The following CD226 variants were observed in gnomAD, a reference collection of about 807,000 sequenced individuals.
CD226 encodes CD226 antigen.
In CD226, 24 loss-of-function variants were observed where a neutral mutation model predicts 34.9. That is an observed-to-expected ratio of 0.69 (90% CI 0.50 to 0.97). The LOEUF is 0.97. Among genes scored for constraint, CD226 ranks in the 50% least tolerant of loss-of-function variants. The pLI, the probability that CD226 is intolerant of heterozygous loss-of-function variation, is 0.00. For missense variants in CD226, 397 were observed against 412.7 expected (o/e 0.96, Z 0.33); for synonymous variants, 148 against 147.4 (o/e 1.00, Z -0.03).
rs544971909 is a variant in CD226 at position 69,880,326 on chromosome 18, A to G, written c.728-7080T>C. On this transcript the variant is annotated intron_variant, in intron 3 of 5. Transcript: ENST00000582621. ...GAAGAGAAAGAAAGAAAGAAAAAGA[A>G]AGAGAGAAAGAAAGAAAGAAAGAAA... 7.1e-3 allele frequency among the ~76,000 whole-genome samples: 621 copies of G among 87,558 alleles called. 7 individuals are homozygous for G. The highest frequency in any genetic ancestry group is 0.023 in the African/African-American group (597 of 25,812). The allele number at this position is 87,558 out of a possible 152,430, so 57.4% of individuals were successfully genotyped here.
At chr18:69,942,898 C>CT (rs2055743793) in intron 2 of CD226, among the ~76,000 whole-genome samples, 1 of 152,360 alleles carries the variant, frequency 6.6e-6, no homozygotes, top group African/African-American at 2.4e-5. Context: ...TGTCTTCTCT[C>CT]TTCCCCAGAC....
chr18:69,864,138 T>C lies in CD226; in HGVS notation c.*176A>G. On this transcript the variant is annotated 3_prime_UTR_variant, in exon 6 of 6. Transcript: ENST00000582621. ...ATATAAACCAGTTAGAGTCAGGTTT[T>C]CTGAAACAGTTCTATGAAAAATGAT... 1 of 592,048 alleles carries C rather than the reference T, an allele frequency of 1.7e-6. No individual in the cohort carries two copies. Among genetic ancestry groups the C allele is most frequent in the Non-Finnish European group, 2.9e-6 (1 of 340,890 alleles). The allele number at this position is 592,048 out of a possible 1,614,324, so 36.7% of individuals were successfully genotyped here.
At chr18:69,914,875 A>AT (rs962237662) in intron 2 of CD226, among the ~76,000 whole-genome samples, 48 of 152,216 alleles carry the variant, frequency 3.2e-4, no homozygotes, top group African/African-American at 9.9e-4. Context: ...CCAAAAAAAT[A>AT]TTTTTTTACT....
At chr18:69,959,521 C>CT (rs1358171121), upstream of CD226, among the ~76,000 whole-genome samples, 1 of 152,156 alleles carries the variant, frequency 6.6e-6, no homozygotes, top group African/African-American at 2.4e-5. Flanking sequence ...ACTTGCTGTT[C>CT]TAACAAAGGG....
intron 2 of CD226, among the ~76,000 whole-genome samples, chr18:69,918,549 C>T (rs1203847385): frequency 6.6e-6 from 1 of 152,096 alleles, no homozygotes; most frequent in Non-Finnish European, 1.5e-5. Flanking sequence ...CAGAGTGGGA[C>T]TCTGTCTCAA....
Position 69,877,554 on chromosome 18 carries a change from G to A in CD226, c.728-4308C>T, listed in dbSNP as rs942720677. Among the ~76,000 whole-genome samples the A allele has an allele frequency of 5.9e-5, 9 of 152,284 alleles. 2 individuals are homozygous for A. In the South Asian group the frequency reaches 1.9e-3, roughly 32 times the overall value. ...AGTCCTGTCCAGACTTTAGATATGG[G>A]GTGGGATCCTCTCTGGAATGAGGGT... On this transcript the variant is annotated intron_variant, in intron 3 of 5. Transcript: ENST00000582621.
chr18:69,918,623 G>A (rs890684055), intron 2 of CD226, among the ~76,000 whole-genome samples: 6 of 152,070 alleles, frequency 3.9e-5, no homozygotes, highest in African/African-American at 7.2e-5. Context: ...GCATGGTCTC[G>A]GTCCTCACAG....
intron 2 of CD226, among the ~76,000 whole-genome samples, chr18:69,898,307 T>C (rs1985417488): frequency 1.3e-5 from 2 of 152,170 alleles, no homozygotes; most frequent in Non-Finnish European, 2.9e-5. Flanking sequence ...CACGCACAAC[T>C]GTTTTGTGTT....
intron 2 of CD226, among the ~76,000 whole-genome samples, chr18:69,925,402 G>C (rs1022345743): frequency 2.6e-5 from 4 of 152,000 alleles, no homozygotes; most frequent in Admixed American, 2.6e-4. Flanking sequence ...TAAATCACAT[G>C]TCAAAGGAGA....
chr18:69,936,314 C>T (rs1004620103), intron 2 of CD226, among the ~76,000 whole-genome samples: 2 of 152,096 alleles, frequency 1.3e-5, no homozygotes, highest in Non-Finnish European at 2.9e-5. Context: ...GTGCCTGTTC[C>T]TTCCTGGGCT....
chr18:69,932,871 CAG>C (rs1339775478), intron 2 of CD226, among the ~76,000 whole-genome samples: 1 of 152,208 alleles, frequency 6.6e-6, no homozygotes, highest in African/African-American at 2.4e-5. Flanking sequence ...TCAAGTCACA[CAG>C]AGCCTTGAGC....
intron 3 of CD226, among the ~76,000 whole-genome samples, chr18:69,880,195 G>T (rs542466064): frequency 8.1e-6 from 1 of 123,274 alleles, no homozygotes; most frequent in East Asian, 2.1e-4. Context: ...GAAGGAAAGC[G>T]GGGGAGGAAG....
chr18:69,907,783 G>A (rs572741701), intron 2 of CD226, among the ~76,000 whole-genome samples: 1 of 152,014 alleles, frequency 6.6e-6, no homozygotes. Flanking sequence ...TTTGAGCTCC[G>A]TCACACAGCT....
chr18:69,928,795 CA>C lies in CD226; in HGVS notation c.382+17938del, dbSNP rs1439763668. On this transcript the variant is annotated intron_variant, in intron 2 of 5. Transcript: ENST00000582621. The stretch of plus-strand genomic sequence containing the variant: ...TTCAGATTTTTTGATTTGGGATATT[CA>C]GTCTGTAGTACACAGAGTGAAAGAG... Among the ~76,000 whole-genome samples, 9 of 152,202 alleles carry C rather than the reference CA, an allele frequency of 5.9e-5. No individual in the cohort carries two copies. The East Asian group carries it at 1.5e-3, about 26-fold the overall frequency.
chr18:69,919,212 C>T (rs1476595691), intron 2 of CD226, among the ~76,000 whole-genome samples: 1 of 152,174 alleles, frequency 6.6e-6, no homozygotes, highest in Non-Finnish European at 1.5e-5. Context: ...TTTGCCACTT[C>T]GTTTCTCAAG....
In CD226 at chr18:69,859,231, A is replaced by G. The variant is rs1470005216; in HGVS notation, c.*5083T>C. The G allele has an allele frequency of 6.6e-6, 1 of 152,028 alleles. No individual in the cohort carries two copies. The highest frequency in any genetic ancestry group is 1.5e-5 in the Non-Finnish European group (1 of 68,018). The allele number at this position is 152,028 out of a possible 1,614,324, so 9.4% of individuals were successfully genotyped here. On this transcript the variant is annotated 3_prime_UTR_variant, in exon 6 of 6. Coordinates refer to ENST00000582621, the MANE Select transcript of CD226 (RefSeq NM_001303618.2). ...GTGCCTCTCCTTCTAGCCCCAAGTC[A>G]AGCTTCTAATGGAGTCTTTCTAAGG...
intron 2 of CD226, among the ~76,000 whole-genome samples, chr18:69,935,749 C>G (rs117959413): frequency 0.012 from 1,884 of 152,296 alleles, 23 homozygotes; most frequent in South Asian, 0.038. Context: ...TCTGAGGTCA[C>G]AGGAGAATCA....
chr18:69,879,561 A>G (rs1294608939), intron 3 of CD226, among the ~76,000 whole-genome samples: 1 of 152,064 alleles, frequency 6.6e-6, no homozygotes, highest in East Asian at 1.9e-4. Flanking sequence ...TGAAAATCAC[A>G]GTTATCCTGT....
chr18:69,897,346 ACT>A (rs1985358539), intron 2 of CD226, among the ~76,000 whole-genome samples: 1 of 152,194 alleles, frequency 6.6e-6, no homozygotes, highest in Non-Finnish European at 1.5e-5. Context: ...AACTGTGGTA[ACT>A]CTTTCTTAAA....
Sources: allele counts gnomAD v4.1 joint callset (sites outside exome capture counted in the v4.1 genomes callset), GRCh38; gene constraint gnomAD v4.1.1; transcripts MANE v1.5; gene names NCBI Gene and HGNC (gene_info 2026-07-23, HGNC 2026-07-21).